The following PAPSS2 variants were observed in gnomAD, a reference collection of about 807,000 sequenced individuals.
PAPSS2 encodes the protein 3'-phosphoadenosine 5'-phosphosulfate synthase 2.
In PAPSS2, 61 loss-of-function variants were observed where a neutral mutation model predicts 66.5. The ratio of observed to expected loss-of-function variants is 0.92; its 90% CI spans 0.75 to 1.14. The LOEUF (loss-of-function observed/expected upper bound fraction) is 1.14, where lower values mean the gene tolerates loss of function less well. Among genes scored for constraint, PAPSS2 ranks in the 50% most tolerant of loss-of-function variants. PAPSS2 has a pLI of 0.00. For missense variants in PAPSS2, 708 were observed against 789.6 expected (o/e 0.90, Z 1.24); for synonymous variants, 289 against 287.5 (o/e 1.01, Z -0.05).
rs1185345005 is a variant in PAPSS2, at chr10:87,746,618, TAAGAG to T, written c.*652_*656del. The T allele has an allele frequency of 1.3e-5, 2 of 152,264 alleles. No individual in the cohort carries two copies. The highest frequency in any genetic ancestry group is 2.4e-5 in the African/African-American group (1 of 41,460). The allele number at this position is 152,264 out of a possible 1,614,324, so 9.4% of individuals were successfully genotyped here. A position where few individuals can be genotyped will look rare whatever the true frequency, so the allele number is the denominator to read the frequency against. On this transcript the variant is annotated 3_prime_UTR_variant, in exon 13 of 13. Transcript: ENST00000456849. ...CTGTCACAAAAGTTATATTGTCTAA[TAAGAG>T]AAGTCTTAATGGCCTCTGTGAATAA...
intron 1 of PAPSS2, among the ~76,000 whole-genome samples, chr10:87,696,599 T>A (rs1195320274): frequency 6.6e-6 from 1 of 152,242 alleles, no homozygotes; most frequent in Non-Finnish European, 1.5e-5. Context: ...CCATTAATTT[T>A]TCTGTTTTTT....
chr10:87,738,807 G>A (rs1424329082), intron 9 of PAPSS2, among the ~76,000 whole-genome samples: 1 of 152,180 alleles, frequency 6.6e-6, no homozygotes, highest in Non-Finnish European at 1.5e-5. Flanking sequence ...CATCTTACAT[G>A]CTTTTGGCCA....
chr10:87,686,518 A>G (rs988284999), intron 1 of PAPSS2, among the ~76,000 whole-genome samples: 3 of 152,088 alleles, frequency 2.0e-5, no homozygotes, highest in African/African-American at 7.2e-5. Context: ...CTCCTGGGAT[A>G]CTGTATCCTA....
At chr10:87,740,045 A>G (rs188189509) in intron 9 of PAPSS2, among the ~76,000 whole-genome samples, 16 of 152,340 alleles carry the variant, frequency 1.1e-4, no homozygotes, top group Non-Finnish European at 2.2e-4. Context: ...ATGGATCACC[A>G]TGTCTACTTG....
At chr10:87,704,712 G>A (rs1389287695) in intron 1 of PAPSS2, among the ~76,000 whole-genome samples, 1 of 152,104 alleles carries the variant, frequency 6.6e-6, no homozygotes, top group Non-Finnish European at 1.5e-5. Context: ...CACAGTCTTG[G>A]CTCACTGCAA....
At chr10:87,675,701 G>C (rs746726027) in intron 1 of PAPSS2, among the ~76,000 whole-genome samples, 1 of 152,146 alleles carries the variant, frequency 6.6e-6, no homozygotes, top group African/African-American at 2.4e-5. Flanking sequence ...TAGAGATTAC[G>C]TAGTCCAGTT....
In PAPSS2 at chr10:87,714,200, T is replaced by C. The variant is rs2131710347; in HGVS notation, c.520+18T>C. ...GATTAAAGGTAAGAGAATTGGCTAG[T>C]AGCGTCTACCAGTTACATAGGCTGT... is the stretch of plus-strand genomic sequence containing the variant. On this transcript the variant is annotated intron_variant, in intron 4 of 12. Coordinates refer to ENST00000456849, the MANE Select transcript of PAPSS2 (RefSeq NM_001015880.2). 2 of 1,610,826 alleles carry C rather than the reference T, an allele frequency of 1.2e-6. No individual in the cohort carries two copies. Among genetic ancestry groups the C allele is most frequent in the Non-Finnish European group, 1.7e-6 (2 of 1,179,378 alleles).
intron 1 of PAPSS2, among the ~76,000 whole-genome samples, chr10:87,696,269 T>G (rs1041461559): frequency 3.3e-5 from 5 of 152,260 alleles, no homozygotes; most frequent in African/African-American, 1.2e-4. Flanking sequence ...ACATAGCTCT[T>G]TTGAGTATTT....
intron 1 of PAPSS2, among the ~76,000 whole-genome samples, chr10:87,697,030 A>AT (rs1589427946): frequency 1.3e-5 from 2 of 151,866 alleles, no homozygotes; most frequent in East Asian, 1.9e-4. Context: ...TTCACCTAAC[A>AT]TTTTTCTGTT....
intron 9 of PAPSS2, among the ~76,000 whole-genome samples, chr10:87,739,140 T>C (rs1245412176): frequency 6.6e-6 from 1 of 152,230 alleles, no homozygotes; most frequent in Non-Finnish European, 1.5e-5. Flanking sequence ...AATAGTTTTA[T>C]GTCTTACTTT....
chr10:87,732,503 A>G (rs536000512), intron 9 of PAPSS2, among the ~76,000 whole-genome samples: 11 of 152,100 alleles, frequency 7.2e-5, no homozygotes, highest in African/African-American at 2.4e-4. Context: ...AACCTGGGCT[A>G]TAGGAGTGAG....
chr10:87,713,420 T>C, intron 3 of PAPSS2, 110 bp downstream of exon 3: 1 of 679,146 alleles, frequency 1.5e-6, no homozygotes. Flanking sequence ...TAAGAATGTC[T>C]CCTTTCAATT....
intron 7 of PAPSS2, 69 bp from the exon 8 acceptor site, chr10:87,721,687 C>G: frequency 9.6e-7 from 1 of 1,040,296 alleles, no homozygotes; most frequent in African/African-American, 1.6e-5. Context: ...TGTTCTTTGA[C>G]ATTGTTGCTG....
chr10:87,689,526 C>T (rs1350198617), intron 1 of PAPSS2, among the ~76,000 whole-genome samples: 16 of 127,304 alleles, frequency 1.3e-4, no homozygotes, highest in South Asian at 2.4e-4. Flanking sequence ...ATTAGCCAGG[C>T]GTGGTGGCGC....
intron 1 of PAPSS2, among the ~76,000 whole-genome samples, chr10:87,706,112 G>C (rs376789594): frequency 4.9e-5 from 4 of 81,880 alleles, no homozygotes; most frequent in African/African-American, 2.5e-4. Flanking sequence ...ATATATATGT[G>C]TGTGTGTGTG....
chr10:87,681,201 C>G (rs1853016832), intron 1 of PAPSS2, among the ~76,000 whole-genome samples: 1 of 152,150 alleles, frequency 6.6e-6, no homozygotes, highest in South Asian at 2.1e-4. Flanking sequence ...CTGTACATAG[C>G]GTTGGATCGT....
intron 9 of PAPSS2, among the ~76,000 whole-genome samples, chr10:87,740,800 G>A (rs1352869385): frequency 1.3e-5 from 2 of 152,154 alleles, no homozygotes; most frequent in Non-Finnish European, 2.9e-5. Context: ...GAATCCAGCT[G>A]TCTTCTATTA....
intron 9 of PAPSS2, among the ~76,000 whole-genome samples, chr10:87,728,878 C>T (rs1853692238): frequency 1.3e-5 from 2 of 152,184 alleles, no homozygotes; most frequent in Admixed American, 6.5e-5. Flanking sequence ...TTTAAGTCCC[C>T]TGTTTGTGGC....
At chr10:87,672,302 T>C (rs17117369) in intron 1 of PAPSS2, among the ~76,000 whole-genome samples, 9,497 of 152,224 alleles carry the variant, frequency 0.062, 483 homozygotes, top group East Asian at 0.24. Context: ...CCAAGTTAAC[T>C]GTGTGCTGTG....
Sources: allele counts gnomAD v4.1 joint callset (sites outside exome capture counted in the v4.1 genomes callset), GRCh38; gene constraint gnomAD v4.1.1; transcripts MANE v1.5; gene names NCBI Gene and HGNC (gene_info 2026-07-23, HGNC 2026-07-21).